ZNF385B: variants seen among roughly 807,000 people sequenced by gnomAD.
ZNF385B encodes the protein zinc finger protein 533.
Under a neutral mutation model 39.2 loss-of-function variants are expected in ZNF385B, and 23 were observed. The observed-to-expected ratio is 0.59, with a 90% CI of 0.42 to 0.83. The LOEUF (loss-of-function observed/expected upper bound fraction) is 0.83. Among genes scored for constraint, ZNF385B ranks in the 40% least tolerant of loss-of-function variants. The pLI, the probability that ZNF385B is intolerant of heterozygous loss-of-function variation, is 0.00. For synonymous variants in ZNF385B, 205 were observed against 222.6 expected (o/e 0.92, Z 0.70); for missense variants, 552 against 598.9 (o/e 0.92, Z 0.82).
At chr2:179,818,887 C>G (rs1707230518) in intron 1 of ZNF385B, among the ~76,000 whole-genome samples, 1 of 152,128 alleles carries the variant, frequency 6.6e-6, no homozygotes, top group South Asian at 2.1e-4. Context: ...GGGAGCTGCT[C>G]TTCCCCAGAG....
intron 5 of ZNF385B, among the ~76,000 whole-genome samples, chr2:179,505,994 A>G (rs902961344): frequency 2.6e-5 from 4 of 152,112 alleles, no homozygotes; most frequent in Admixed American, 1.3e-4. Flanking sequence ...ATGTAAGACT[A>G]AAATGAGAGC....
chr2:179,701,614 C>A (rs903543474), intron 3 of ZNF385B, among the ~76,000 whole-genome samples: 1 of 152,318 alleles, frequency 6.6e-6, no homozygotes, highest in African/African-American at 2.4e-5. Flanking sequence ...ATTTTCCACA[C>A]GTGAGTTATT....
chr2:179,784,626 C>T (rs796782988), intron 1 of ZNF385B, among the ~76,000 whole-genome samples: 1 of 151,914 alleles, frequency 6.6e-6, no homozygotes, highest in Non-Finnish European at 1.5e-5. Context: ...GAAAACCCAA[C>T]AGAAAAATGA....
chr2:179,815,469 AT>A lies in ZNF385B; in HGVS notation c.-154-44798del, dbSNP rs1707005530. On this transcript the variant is annotated intron_variant, in intron 1 of 9. Coordinates refer to ENST00000410066, the MANE Select transcript of ZNF385B (RefSeq NM_152520.6). The stretch of plus-strand genomic sequence containing the variant: ...GGAAACTGAATGGGAGCAGGAGCTA[AT>A]TGAAAATAGGGAAAAGAACTATACC... 1.3e-5 allele frequency among the ~76,000 whole-genome samples: 2 copies of A among 148,596 alleles called. 1 individual carries two copies. Among genetic ancestry groups the A allele is most frequent in the South Asian group, 4.2e-4 (2 of 4,718 alleles).
At chr2:179,782,550 T>C (rs557723199) in intron 1 of ZNF385B, among the ~76,000 whole-genome samples, 1 of 152,180 alleles carries the variant, frequency 6.6e-6, no homozygotes, top group South Asian at 2.1e-4. Context: ...AACTATCTGT[T>C]TGCAGATGAT....
At chr2:179,704,374 G>A (rs1218499501) in intron 3 of ZNF385B, among the ~76,000 whole-genome samples, 1 of 152,204 alleles carries the variant, frequency 6.6e-6, no homozygotes, top group East Asian at 1.9e-4. Flanking sequence ...ACTCTAGGAT[G>A]TAGGATTTGT....
intron 1 of ZNF385B, among the ~76,000 whole-genome samples, chr2:179,842,497 C>T (rs1217778734): frequency 6.6e-6 from 1 of 152,160 alleles, no homozygotes; most frequent in Admixed American, 6.5e-5. Flanking sequence ...TATGGTCCCA[C>T]AGAGATGCTC....
chr2:179,644,390 C>A (rs6741320), intron 3 of ZNF385B, among the ~76,000 whole-genome samples: 1 of 151,868 alleles, frequency 6.6e-6, no homozygotes, highest in Non-Finnish European at 1.5e-5. Flanking sequence ...ATAGCTAGAT[C>A]GCAATCAGAC....
intron 3 of ZNF385B, among the ~76,000 whole-genome samples, chr2:179,668,309 T>A (rs978906847): frequency 5.3e-5 from 8 of 152,224 alleles, no homozygotes; most frequent in African/African-American, 1.9e-4. Flanking sequence ...CTTTTCTCTA[T>A]CAAAGGTGCT....
At chr2:179,754,468 C>G (rs1220135623) in intron 3 of ZNF385B, among the ~76,000 whole-genome samples, 2 of 152,102 alleles carry the variant, frequency 1.3e-5, no homozygotes, top group Non-Finnish European at 1.5e-5. Flanking sequence ...GGGAGGATTC[C>G]CTCTTTTTCT....
chr2:179,853,959 AC>A (rs1354342922), intron 1 of ZNF385B, among the ~76,000 whole-genome samples: 1 of 152,182 alleles, frequency 6.6e-6, no homozygotes, highest in African/African-American at 2.4e-5. Context: ...ATAGTGCATC[AC>A]GTGCAGGGAC....
intron 3 of ZNF385B, among the ~76,000 whole-genome samples, chr2:179,697,497 T>C (rs1284020988): frequency 1.3e-5 from 2 of 152,218 alleles, no homozygotes; most frequent in Admixed American, 6.5e-5. Flanking sequence ...TACCCAGCCA[T>C]GCTGAACTGT....
chr2:179,834,063 C>T (rs150100746), intron 1 of ZNF385B, among the ~76,000 whole-genome samples: 4 of 151,870 alleles, frequency 2.6e-5, no homozygotes, highest in African/African-American at 7.2e-5. Flanking sequence ...GATACAGCTA[C>T]AGAATGAGGG....
In ZNF385B at chr2:179,479,030, C is replaced by T. The variant is rs1462493957; in HGVS notation, c.715+4242G>A. Among the ~76,000 whole-genome samples the T allele has an allele frequency of 9.2e-5, 14 of 152,136 alleles. No homozygotes were observed. The East Asian group carries it at 2.5e-3, about 27-fold the overall frequency. ...TGTTTTGACCCCAATTCTCCCAAAG[C>T]ATATTTTTCCTCCCTCCCATTATGT... is the stretch of plus-strand genomic sequence containing the variant. On this transcript the variant is annotated intron_variant, in intron 6 of 9. Coordinates refer to ENST00000410066, the MANE Select transcript of ZNF385B (RefSeq NM_152520.6).
At chr2:179,846,967 A>C (rs1708829902) in intron 1 of ZNF385B, among the ~76,000 whole-genome samples, 1 of 152,258 alleles carries the variant, frequency 6.6e-6, no homozygotes, top group Non-Finnish European at 1.5e-5. Context: ...GCAAGAAATA[A>C]AGGCTCTTAC....
rs149523902 is a variant in ZNF385B, at chr2:179,745,518, C to T, written c.298+23985G>A. On this transcript the variant is annotated intron_variant, in intron 3 of 9. Coordinates refer to ENST00000410066, the MANE Select transcript of ZNF385B (RefSeq NM_152520.6). The stretch of plus-strand genomic sequence containing the variant: ...CACAGAAAGAAAGGGATGGTTATCA[C>T]ACCCATGTAAGGAGTTACTTCGCAA... Among the ~76,000 whole-genome samples, 89 of 152,292 alleles carry T rather than the reference C, an allele frequency of 5.8e-4. 1 individual carries two copies. The highest frequency in any genetic ancestry group is 4.6e-3 in the Admixed American group (71 of 15,296).
chr2:179,617,467 G>GAAA (rs1689847526), intron 3 of ZNF385B, among the ~76,000 whole-genome samples: 1 of 152,122 alleles, frequency 6.6e-6, no homozygotes. Flanking sequence ...GAGCTTGGAA[G>GAAA]AAAAATGCAT....
intron 3 of ZNF385B, among the ~76,000 whole-genome samples, chr2:179,557,944 A>G (rs1484145511): frequency 6.6e-6 from 1 of 152,164 alleles, no homozygotes; most frequent in East Asian, 1.9e-4. Flanking sequence ...CTATGGGGAA[A>G]AAAAGAGATG....
chr2:179,627,085 T>A (rs935955184), intron 3 of ZNF385B, among the ~76,000 whole-genome samples: 5 of 152,182 alleles, frequency 3.3e-5, no homozygotes, highest in African/African-American at 1.2e-4. Flanking sequence ...ATAGTTCTAT[T>A]CTAGCTGCAA....
Sources: allele counts gnomAD v4.1 joint callset (sites outside exome capture counted in the v4.1 genomes callset), GRCh38; gene constraint gnomAD v4.1.1; transcripts MANE v1.5; gene names NCBI Gene and HGNC (gene_info 2026-07-23, HGNC 2026-07-21).